Variants in MYT1L observed in about 807,000 individuals in gnomAD.
MYT1L encodes myelin transcription factor 1-like protein.
A neutral mutation model predicts 126.7 loss-of-function variants in MYT1L; 12 were observed. That is an observed-to-expected ratio of 0.09 (90% CI 0.06 to 0.15). The LOEUF is 0.15. MYT1L is among the 10% of genes least tolerant of loss of function. The pLI is 1.00. For synonymous variants in MYT1L, 541 were observed against 604.2 expected (o/e 0.90, Z 1.53); for missense variants, 979 against 1,585.2 (o/e 0.62, Z 6.49).
intron 4 of MYT1L, among the ~76,000 whole-genome samples, chr2:2,047,994 A>G (rs1006235030): frequency 5.9e-5 from 9 of 152,032 alleles, no homozygotes; most frequent in African/African-American, 2.2e-4. Flanking sequence ...CTCCTTCAAG[A>G]CATGGGGCTG....
In MYT1L at chr2:1,793,418, C is replaced by T. The variant is rs559348691; in HGVS notation, c.3277-954G>A. Among the ~76,000 whole-genome samples, 123 of 152,292 alleles carry T rather than the reference C, an allele frequency of 8.1e-4. No individual in the cohort carries two copies. The highest frequency in any genetic ancestry group is 2.8e-3 in the African/African-American group (115 of 41,576). On this transcript the variant is annotated intron_variant, in intron 23 of 24. Coordinates refer to ENST00000647738, the MANE Select transcript of MYT1L (RefSeq NM_001303052.2). This position sits in a 1 kb window ranked among gnomAD's most constrained non-coding sequence, Gnocchi z 4.6. ...GGGGCTTCTTCCTGGAAGACCGGGC[C>T]GACCCGCAGAGTCCAGGGCTGGCTT...
At position 2,087,189 on chromosome 2, in the gene MYT1L, C is replaced by T. The variant is rs572947491; in HGVS notation, c.-303-33066G>A. 5.3e-5 allele frequency among the ~76,000 whole-genome samples: 8 copies of T among 152,234 alleles called. No homozygotes were observed. The East Asian group carries it at 1.2e-3, about 22-fold the overall frequency. ...TTCTCTTTCAGTCTTGGGTGCATTA[C>T]GGGAGTCCCCCTGATTACAGGTAGA... is the stretch of plus-strand genomic sequence containing the variant. On this transcript the variant is annotated intron_variant, in intron 3 of 24. Coordinates refer to ENST00000647738, the MANE Select transcript of MYT1L (RefSeq NM_001303052.2).
At chr2:2,297,274 C>A (rs1449374541) in intron 1 of MYT1L, among the ~76,000 whole-genome samples, 5 of 152,222 alleles carry the variant, frequency 3.3e-5, no homozygotes, top group Non-Finnish European at 5.9e-5. Flanking sequence ...TGAGTCATTT[C>A]TCCCTGCTCA....
chr2:1,946,125 A>G (rs1278668601), intron 8 of MYT1L, among the ~76,000 whole-genome samples: 1 of 151,748 alleles, frequency 6.6e-6, no homozygotes, highest in Non-Finnish European at 1.5e-5. Flanking sequence ...GGGAGCTTGA[A>G]CCCTACTGAG....
intron 8 of MYT1L, among the ~76,000 whole-genome samples, chr2:1,946,849 C>T (rs1381672699): frequency 6.6e-6 from 1 of 152,124 alleles, no homozygotes; most frequent in Admixed American, 6.5e-5. Context: ...AAGTCTAAGC[C>T]CAACACCAAC....
At chr2:2,163,228 C>CT (rs1207817164) in intron 3 of MYT1L, among the ~76,000 whole-genome samples, 2 of 152,110 alleles carry the variant, frequency 1.3e-5, no homozygotes, top group East Asian at 3.9e-4. Context: ...ACATGGGGCT[C>CT]TGATCTCTGT....
intron 3 of MYT1L, among the ~76,000 whole-genome samples, chr2:2,064,495 A>T (rs2070961847): frequency 6.6e-6 from 1 of 152,218 alleles, no homozygotes. Context: ...TCCCAGGATG[A>T]ACACATCAAG....
rs368845171 is a variant in MYT1L at position 1,801,399 on chromosome 2, C to T, written c.3276+297G>A. 109 of 285,090 alleles carry T rather than the reference C, an allele frequency of 3.8e-4. No individual in the cohort carries two copies. In the South Asian group the frequency reaches 1.0e-2, roughly 26 times the overall value. 17.7% of individuals were successfully genotyped at this position (285,090 alleles called of 1,614,324 possible). On this transcript the variant is annotated intron_variant, in intron 23 of 24. Transcript: ENST00000647738. The surrounding 1 kb of genome is among the most constrained non-coding windows in gnomAD (Gnocchi z 4.2). ...GACCTGAAGTATCTTGGAAGGAAAA[C>T]CTTCATTGTTTGCAGGAACAGGCGA...
At chr2:2,198,284 A>G (rs1572379927) in intron 2 of MYT1L, among the ~76,000 whole-genome samples, 1 of 152,128 alleles carries the variant, frequency 6.6e-6, no homozygotes, top group Non-Finnish European at 1.5e-5. Context: ...TATGGGCCCC[A>G]GGAGTGGTTG....
At chr2:1,905,182 A>C (rs182810990) in intron 13 of MYT1L, among the ~76,000 whole-genome samples, 373 of 152,200 alleles carry the variant, frequency 2.5e-3, no homozygotes, top group African/African-American at 8.7e-3. Context: ...CATTTTACAC[A>C]CTATAAAGCT....
chr2:2,150,993 GAA>G (rs886618482), intron 3 of MYT1L, among the ~76,000 whole-genome samples: 26 of 152,092 alleles, frequency 1.7e-4, no homozygotes, highest in African/African-American at 6.3e-4. Flanking sequence ...TGGCTCTGAG[GAA>G]AACTGTCAGT....
At chr2:2,189,049 T>C (rs1307829022) in intron 2 of MYT1L, among the ~76,000 whole-genome samples, 1 of 152,100 alleles carries the variant, frequency 6.6e-6, no homozygotes, top group Non-Finnish European at 1.5e-5. Context: ...GAACATAGCC[T>C]CCTAACCAGC....
intron 4 of MYT1L, among the ~76,000 whole-genome samples, chr2:2,009,918 T>TTTC (rs552518279): frequency 0.029 from 4,321 of 148,534 alleles, 101 homozygotes; most frequent in Non-Finnish European, 0.047. Flanking sequence ...TTTTTTTTTT[T>TTTC]CATGAAAGGG....
chr2:2,266,202 G>A (rs2095126010), intron 2 of MYT1L, among the ~76,000 whole-genome samples: 1 of 152,222 alleles, frequency 6.6e-6, no homozygotes, highest in African/African-American at 2.4e-5. Flanking sequence ...ATAACTCCAT[G>A]CAGCTCCAAA....
At chr2:2,007,709 G>C (rs1161106206) in intron 4 of MYT1L, among the ~76,000 whole-genome samples, 1 of 152,116 alleles carries the variant, frequency 6.6e-6, no homozygotes, top group Non-Finnish European at 1.5e-5. Context: ...CCATGTGTGA[G>C]GTGGTAACTT....
intron 2 of MYT1L, among the ~76,000 whole-genome samples, chr2:2,178,825 C>A (rs1354331653): frequency 6.6e-6 from 1 of 152,134 alleles, no homozygotes; most frequent in Non-Finnish European, 1.5e-5. Flanking sequence ...GAGAAGTGAG[C>A]AGAAGGCCCA....
intron 13 of MYT1L, among the ~76,000 whole-genome samples, chr2:1,905,287 G>T (rs2050895587): frequency 6.6e-6 from 1 of 151,690 alleles, no homozygotes; most frequent in African/African-American, 2.4e-5. Flanking sequence ...ACCCAACCAA[G>T]CAGGAAAAAA....
At chr2:2,303,787 T>C (rs974717430) in intron 1 of MYT1L, 3 of 152,220 alleles carry the variant, frequency 2.0e-5, no homozygotes, top group African/African-American at 7.2e-5. Context: ...TGTGTTATAA[T>C]AGAAACCATT....
Position 2,331,195 on chromosome 2 carries a change from A to G in MYT1L, c.-749T>C, listed in dbSNP as rs948139649. 1 of 152,086 alleles carries G rather than the reference A, an allele frequency of 6.6e-6. No individual in the cohort carries two copies. The highest frequency in any genetic ancestry group is 1.5e-5 in the Non-Finnish European group (1 of 68,024). The allele number at this position is 152,086 out of a possible 1,614,324, so 9.4% of individuals were successfully genotyped here. On this transcript the variant is annotated 5_prime_UTR_variant, in exon 1 of 25. Transcript: ENST00000647738. ...ATGAAAAAATTAAAATGCACCCACC[A>G]ACAATGAGCAAAAAACCCGGGGTGC...
Sources: allele counts gnomAD v4.1 joint callset (sites outside exome capture counted in the v4.1 genomes callset), GRCh38; gene constraint gnomAD v4.1.1; non-coding constraint Gnocchi (gnomAD v3.1); transcripts MANE v1.5; gene names NCBI Gene and HGNC (gene_info 2026-07-23, HGNC 2026-07-21).